GRIP2: variants seen among roughly 807,000 people sequenced by gnomAD.
GRIP2 encodes glutamate receptor interacting protein 2, also known as glutamate receptor-interacting protein 2.
GRIP2 carries 58 observed loss-of-function variants against 108.3 expected under a neutral mutation model. The ratio of observed to expected loss-of-function variants is 0.54; its 90% CI spans 0.43 to 0.67. The LOEUF is 0.67. GRIP2 is among the 30% of genes least tolerant of loss of function. The probability of loss-of-function intolerance (pLI) is 0.00; values close to 1 mark genes in which losing one functional copy is unlikely to be tolerated. For missense variants in GRIP2, 1,278 were observed against 1,430.6 expected (o/e 0.89, Z 1.72); for synonymous variants, 586 against 598.2 (o/e 0.98, Z 0.30).
At chr3:14,562,068 G>A in the GRIP2 span, among the ~76,000 whole-genome samples, 12 of 152,348 alleles carry the variant, frequency 7.9e-5, no homozygotes, top group South Asian at 1.5e-3. Context: ...AACATGTTGC[G>A]AGGTGAAAGC....
chr3:14,520,546 A>G lies in GRIP2; in HGVS notation c.713-9T>C. 1 of 1,613,484 alleles carries G rather than the reference A, an allele frequency of 6.2e-7. No individual in the cohort carries two copies. Among genetic ancestry groups the G allele is most frequent in the Non-Finnish European group, 8.5e-7 (1 of 1,179,558 alleles). On this transcript the variant is annotated splice_polypyrimidine_tract_variant and intron_variant, in intron 7 of 23. Transcript: ENST00000621039. ...AGCATTAGCCACCGTGTCTGGCATG[A>G]CGGAGAAAAAAAGTTTGAAATGCAA...
chr3:14,581,927 G>A, the GRIP2 span, among the ~76,000 whole-genome samples: 1 of 152,196 alleles, frequency 6.6e-6, no homozygotes, highest in African/African-American at 2.4e-5. Context: ...GCTGGTGTTG[G>A]CAAGTTTGGA....
At chr3:14,571,094 C>T in the GRIP2 span, among the ~76,000 whole-genome samples, 1 of 152,064 alleles carries the variant, frequency 6.6e-6, no homozygotes, top group African/African-American at 2.4e-5. Flanking sequence ...CAGAGATTGC[C>T]AAATGTCCCC....
intron 1 of GRIP2, among the ~76,000 whole-genome samples, chr3:14,528,701 A>G (rs1694627334): frequency 6.6e-6 from 1 of 151,978 alleles, no homozygotes; most frequent in African/African-American, 2.4e-5. Flanking sequence ...CTAATTAAAA[A>G]AAAAAATTAG....
chr3:14,521,535 A>C lies in GRIP2; in HGVS notation c.712+107T>G. The C allele has an allele frequency of 8.0e-7, 1 of 1,252,770 alleles. No individual in the cohort carries two copies. The highest frequency in any genetic ancestry group is 1.1e-6 in the Non-Finnish European group (1 of 917,036). 77.6% of individuals were successfully genotyped at this position (1,252,770 alleles called of 1,614,324 possible). ...GAGAAGCTGTGACTGGCCCAAGGTC[A>C]TAAGGTCATGCAGCCTTTGCAGTGG... On this transcript the variant is annotated intron_variant, in intron 7 of 23. Transcript: ENST00000621039. The surrounding 1 kb of genome is among the most constrained non-coding windows in gnomAD (Gnocchi z 5.1).
Position 14,505,719 on chromosome 3 carries a change from G to A in GRIP2, c.2469C>T (p.Gly823=). The change falls in exon 20 of 24, where the codon GGC becomes GGT. Residue 823 remains glycine (G), a synonymous_variant. Coordinates refer to ENST00000621039, the MANE Select transcript of GRIP2 (RefSeq NM_001080423.4). The surrounding 1 kb of genome is among the most constrained non-coding windows in gnomAD (Gnocchi z 4.2). ...TCCGGGGCTCGGTGGGTGGGGGGCT[G>A]CCCCTCAGCCAGCCAGGCCTCCGCT... ...PQERRPGWLR[G]SPPPTEPRRT... is the part of the protein sequence containing the mutation. 1.9e-6 allele frequency: 3 copies of A among 1,589,156 alleles called. No individual in the cohort carries two copies. The highest frequency in any genetic ancestry group is 2.3e-5 in the South Asian group (2 of 87,712).
Position 14,507,448 on chromosome 3 carries a change from C to G in GRIP2, c.2218+113G>C. 1 of 1,334,552 alleles carries G rather than the reference C, an allele frequency of 7.5e-7. No individual in the cohort carries two copies. The allele number at this position is 1,334,552 out of a possible 1,614,324, so 82.7% of individuals were successfully genotyped here. A position where few individuals can be genotyped will look rare whatever the true frequency, so the allele number is the denominator to read the frequency against. On this transcript the variant is annotated intron_variant, in intron 18 of 23. Transcript: ENST00000621039. The surrounding 1 kb of genome is among the most constrained non-coding windows in gnomAD (Gnocchi z 4.6). ...ATCTTCTTTGCCATCGCAGGCCCGC[C>G]TCCACAGGGCTGCAGTGAGGACTCT... is the stretch of plus-strand genomic sequence containing the variant.
At chr3:14,508,254 G>A (rs9826528) in intron 17 of GRIP2, among the ~76,000 whole-genome samples, 2,295 of 152,338 alleles carry the variant, frequency 0.015, 53 homozygotes, top group African/African-American at 0.051. Flanking sequence ...ATGCCAGGCG[G>A]CAGCACTGCT....
rs766567509 is a variant in GRIP2 at position 14,523,687 on chromosome 3, T to G, written c.415A>C (p.Asn139His). Residue 139 changes from asparagine to histidine, a missense_variant, in exon 5 of 24, where the codon AAC becomes CAC. By Grantham distance (68) the Asn-to-His change is moderately conservative (BLOSUM62 1). Coordinates refer to ENST00000621039, the MANE Select transcript of GRIP2 (RefSeq NM_001080423.4). ...ACTGTCTTTGAAATGATCCTGGGGT[T>G]ATTCTCAGGAGCTGGGGAGAAATGG... is the stretch of plus-strand genomic sequence containing the variant. ...YELPPPAPEN[N>H]PRIISKTVDV... 1 of 1,610,678 alleles carries G rather than the reference T, an allele frequency of 6.2e-7. No homozygotes were observed. The highest frequency in any genetic ancestry group is 1.1e-5 in the South Asian group (1 of 89,988).
intron 9 of GRIP2, among the ~76,000 whole-genome samples, chr3:14,519,407 C>A (rs143167026): frequency 6.6e-6 from 1 of 152,246 alleles, no homozygotes; most frequent in African/African-American, 2.4e-5. Context: ...GTCAGCCTCC[C>A]CCATGTCTGT....
chr3:14,515,214 C>A (rs555634665), intron 11 of GRIP2, among the ~76,000 whole-genome samples: 28 of 152,322 alleles, frequency 1.8e-4, no homozygotes, highest in African/African-American at 6.5e-4. Context: ...TATGGATACA[C>A]CACATTTTGT....
At chr3:14,554,746 AG>A (rs1385001090) in intron 1 of GRIP2, among the ~76,000 whole-genome samples, 1 of 151,962 alleles carries the variant, frequency 6.6e-6, no homozygotes, top group East Asian at 1.9e-4. Context: ...GGCTGGAGAC[AG>A]CCTCAGTGAG....
chr3:14,591,129 A>G, the GRIP2 span, among the ~76,000 whole-genome samples: 4 of 152,224 alleles, frequency 2.6e-5, no homozygotes, highest in South Asian at 2.1e-4. Flanking sequence ...GCTTTTGCAC[A>G]TGCTGATCCC....
the GRIP2 span, among the ~76,000 whole-genome samples, chr3:14,599,837 G>A: frequency 1.6e-4 from 24 of 151,860 alleles, no homozygotes; most frequent in East Asian, 4.7e-3. Context: ...CAGTGCTTGG[G>A]AAGTGTGGAT....
Position 14,512,846 on chromosome 3 carries a change from G to A in GRIP2, c.1651C>T (p.Pro551Ser). 1 of 1,613,716 alleles carries A rather than the reference G, an allele frequency of 6.2e-7. No homozygotes were observed. The highest frequency in any genetic ancestry group is 8.5e-7 in the Non-Finnish European group (1 of 1,179,872). Residue 551 changes from proline (P) to serine (S), a missense_variant, in exon 14 of 24, where the codon CCA (proline) becomes TCA (serine). Coordinates refer to ENST00000621039, the MANE Select transcript of GRIP2 (RefSeq NM_001080423.4). This position sits in a 1 kb window ranked among gnomAD's most constrained non-coding sequence, Gnocchi z 5.1. ...TTCACGTGGAAGGTGCCACTGCTTG[G>A]GATGACGGACTCTGGGGGTAGATGG... The part of the protein sequence containing the change: ...VEFDVAESVI[P>S]SSGTFHVKLP...
Position 14,506,281 on chromosome 3 carries a change from C to T in GRIP2, c.2399-492G>A, listed in dbSNP as rs543700169. Reference sequence around the variant, plus strand: ...ATGGGGAGTTCCGGTGGCTCTGGGTCATTGAGGCCAGCTGGCCAGCCACCA... The same window carrying T: ...ATGGGGAGTTCCGGTGGCTCTGGGTTATTGAGGCCAGCTGGCCAGCCACCA... On this transcript the variant is annotated intron_variant, in intron 19 of 23. Coordinates refer to ENST00000621039, the MANE Select transcript of GRIP2 (RefSeq NM_001080423.4). Among the ~76,000 whole-genome samples the T allele has an allele frequency of 5.0e-3, 764 of 152,256 alleles. 3 individuals are homozygous for T. Among genetic ancestry groups the T allele is most frequent in the Non-Finnish European group, 8.0e-3 (544 of 68,002 alleles).
At chr3:14,564,534 A>C in the GRIP2 span, among the ~76,000 whole-genome samples, 1 of 152,256 alleles carries the variant, frequency 6.6e-6, no homozygotes, top group Non-Finnish European at 1.5e-5. Context: ...CCCTAAAGTC[A>C]GTAAGTATAG....
upstream of GRIP2, among the ~76,000 whole-genome samples, chr3:14,546,832 G>A (rs983651133): frequency 1.3e-5 from 2 of 152,194 alleles, no homozygotes; most frequent in African/African-American, 2.4e-5. Flanking sequence ...GTGGGGAGAT[G>A]GAGATGGAAA....
At chr3:14,581,219 C>A in the GRIP2 span, among the ~76,000 whole-genome samples, 1 of 152,224 alleles carries the variant, frequency 6.6e-6, no homozygotes, top group Non-Finnish European at 1.5e-5. Flanking sequence ...GCCCCACCCT[C>A]CTCATCCAAA....
Sources: gnomAD v4.1 joint callset for allele counts (sites outside exome capture counted in the v4.1 genomes callset) on GRCh38, gnomAD v4.1.1 for gene constraint, Gnocchi (gnomAD v3.1) non-coding constraint, MANE v1.5 for transcripts, NCBI Gene and HGNC (gene_info 2026-07-23, HGNC 2026-07-21) for gene names.